FBN2: variants seen among roughly 807,000 people sequenced by gnomAD.
The protein encoded by FBN2 is fibrillin-2.
FBN2 carries 105 observed loss-of-function variants against 355.6 expected under a neutral mutation model. The ratio of observed to expected loss-of-function variants is 0.30; its 90% CI spans 0.25 to 0.35. FBN2 has a LOEUF of 0.35. Among genes scored for constraint, FBN2 ranks in the 10% least tolerant of loss-of-function variants. FBN2 has a pLI of 1.00. For missense variants in FBN2, 3,280 were observed against 3,758.7 expected, an observed-to-expected ratio of 0.87 and a Z score of 3.33; for synonymous variants, 1,350 against 1,301.2, an observed-to-expected ratio of 1.04 and a Z score of -0.81.
intron 7 of FBN2, among the ~76,000 whole-genome samples, chr5:128,422,384 CTG>C (rs1172989179): frequency 6.6e-6 from 1 of 152,100 alleles, no homozygotes; most frequent in Non-Finnish European, 1.5e-5. Flanking sequence ...CTTGAGATAA[CTG>C]GTATACACTA....
chr5:128,286,964 AAGG>A, intron 54 of FBN2, 115 bp from the exon 55 acceptor site: 2 of 1,051,814 alleles, frequency 1.9e-6, no homozygotes, highest in Non-Finnish European at 2.8e-6. Flanking sequence ...GGGACAGAGA[AAGG>A]AGAAGCCCAG....
chr5:128,448,341 G>C (rs13360784), intron 6 of FBN2, among the ~76,000 whole-genome samples: 16,516 of 149,660 alleles, frequency 0.11, 1,058 homozygotes, highest in African/African-American at 0.17. Flanking sequence ...TTTTGCTCTT[G>C]TTGCCCAGGC....
rs1045750123 is a variant in FBN2, at chr5:128,434,749, T to C, written c.952+11732A>G. On this transcript the variant is annotated intron_variant, in intron 7 of 64. Coordinates refer to ENST00000262464, the MANE Select transcript of FBN2 (RefSeq NM_001999.4). ...TCATTCTACTATGAAATGGCTATTA[T>C]ATGTTAAGCAAAATAAAAATTTATC... 3.9e-5 allele frequency among the ~76,000 whole-genome samples: 6 copies of C among 152,212 alleles called. 1 individual carries two copies. The highest frequency in any genetic ancestry group is 1.4e-4 in the African/African-American group (6 of 41,552).
At chr5:128,313,110 A>AT (rs1355974790) in intron 36 of FBN2, among the ~76,000 whole-genome samples, 10 of 152,160 alleles carry the variant, frequency 6.6e-5, no homozygotes, top group Non-Finnish European at 1.3e-4. Context: ...AATACAATAC[A>AT]TTTTTTGTAT....
At chr5:128,340,263 AC>A (rs1750974650) in intron 25 of FBN2, among the ~76,000 whole-genome samples, 2 of 152,220 alleles carry the variant, frequency 1.3e-5, no homozygotes. Flanking sequence ...TTTTAAAATC[AC>A]AGGATTTAGT....
At chr5:128,506,317 C>T (rs1156888387) in intron 5 of FBN2, among the ~76,000 whole-genome samples, 1 of 152,094 alleles carries the variant, frequency 6.6e-6, no homozygotes, top group African/African-American at 2.4e-5. Flanking sequence ...TGTATTTCTT[C>T]ATTTATTAGG....
intron 54 of FBN2, among the ~76,000 whole-genome samples, 165 bp downstream of exon 54, chr5:128,287,143 A>G (rs1749177365): frequency 1.3e-5 from 2 of 152,240 alleles, no homozygotes; most frequent in Non-Finnish European, 2.9e-5. Flanking sequence ...CAAAAATACC[A>G]TCATGTGTCT....
In FBN2 at chr5:128,470,541, T is replaced by G. The variant is rs138186041; in HGVS notation, c.629-5620A>C. Among the ~76,000 whole-genome samples, 374 of 152,272 alleles carry G rather than the reference T, an allele frequency of 2.5e-3. 3 individuals are homozygous for G. The highest frequency in any genetic ancestry group is 8.3e-3 in the African/African-American group (346 of 41,554). On this transcript the variant is annotated intron_variant, in intron 5 of 64. Coordinates refer to ENST00000262464, the MANE Select transcript of FBN2 (RefSeq NM_001999.4). ...TAGGGTTCATCCAGGGTTTTGCTTTTGTCTGTCAGATGTGGGGGAAAAAAA... is the reference window on the plus strand; with the variant it reads ...TAGGGTTCATCCAGGGTTTTGCTTTGGTCTGTCAGATGTGGGGGAAAAAAA...
intron 2 of FBN2, among the ~76,000 whole-genome samples, chr5:128,533,354 G>A (rs553451731): frequency 7.2e-5 from 11 of 152,258 alleles, no homozygotes; most frequent in East Asian, 1.9e-4. Context: ...TTTACCTGTC[G>A]TGGATACAGG....
At chr5:128,533,776 A>G (rs1756771551) in intron 2 of FBN2, among the ~76,000 whole-genome samples, 2 of 152,076 alleles carry the variant, frequency 1.3e-5, no homozygotes, top group African/African-American at 4.8e-5. Context: ...CTCTTATTAT[A>G]TTGATCAAAA....
chr5:128,526,027 A>G (rs1344050332), intron 4 of FBN2, among the ~76,000 whole-genome samples: 1 of 152,076 alleles, frequency 6.6e-6, no homozygotes, highest in East Asian at 1.9e-4. Context: ...AAAAAAGTTG[A>G]CCTACCCCTG....
chr5:128,384,231 G>T (rs1212834950), intron 11 of FBN2, among the ~76,000 whole-genome samples: 1 of 151,946 alleles, frequency 6.6e-6, no homozygotes, highest in Non-Finnish European at 1.5e-5. Context: ...AATTCTACAC[G>T]ATGCAAAGTA....
At chr5:128,391,356 C>T (rs1307390959) in intron 11 of FBN2, among the ~76,000 whole-genome samples, 1 of 152,028 alleles carries the variant, frequency 6.6e-6, no homozygotes, top group Non-Finnish European at 1.5e-5. Context: ...ATCCAGCTGG[C>T]TTCTATTAAG....
At chr5:128,292,847 C>G (rs898180696) in intron 48 of FBN2, among the ~76,000 whole-genome samples, 1 of 152,168 alleles carries the variant, frequency 6.6e-6, no homozygotes, top group Non-Finnish European at 1.5e-5. Flanking sequence ...GAACTGCCAC[C>G]CTCTCACAAC....
chr5:128,461,825 G>T (rs1405845023), intron 6 of FBN2, among the ~76,000 whole-genome samples: 2 of 148,094 alleles, frequency 1.4e-5, no homozygotes, highest in African/African-American at 2.5e-5. Context: ...CACAGATAGG[G>T]GAATAACACA....
chr5:128,297,174 C>G (rs1749546764), intron 48 of FBN2, among the ~76,000 whole-genome samples: 1 of 152,064 alleles, frequency 6.6e-6, no homozygotes, highest in Admixed American at 6.6e-5. Context: ...ATCCTGAGTT[C>G]TAGTTTGATT....
intron 31 of FBN2, among the ~76,000 whole-genome samples, chr5:128,333,984 A>AT (rs1257163784): frequency 1.9e-4 from 29 of 152,050 alleles, no homozygotes; most frequent in African/African-American, 6.7e-4. Flanking sequence ...TGGACTCTTA[A>AT]GTCTTCCACC....
chr5:128,464,603 A>C (rs1488331397), intron 6 of FBN2, 121 bp downstream of exon 6: 1 of 1,060,584 alleles, frequency 9.4e-7, no homozygotes, highest in African/African-American at 1.5e-5. Context: ...GTTGTTAACG[A>C]GGCCACTCTT....
intron 36 of FBN2, 42 bp downstream of exon 36, chr5:128,318,107 A>G: frequency 1.2e-6 from 2 of 1,600,164 alleles, no homozygotes; most frequent in Non-Finnish European, 1.7e-6. Context: ...TGAATATTCA[A>G]CTTGATAATT....
Sources: gnomAD v4.1 joint callset for allele counts (sites outside exome capture counted in the v4.1 genomes callset) on GRCh38, gnomAD v4.1.1 for gene constraint, MANE v1.5 for transcripts, NCBI Gene and HGNC (gene_info 2026-07-23, HGNC 2026-07-21) for gene names.